The following RAI2 variants were observed in gnomAD, a reference collection of about 807,000 sequenced individuals.
RAI2 encodes the protein retinoic acid-induced protein 2.
RAI2 carries 5 observed loss-of-function variants against 15.3 expected under a neutral mutation model. The ratio of observed to expected loss-of-function variants is 0.33; its 90% CI spans 0.17 to 0.69. The LOEUF (loss-of-function observed/expected upper bound fraction) is 0.69, where lower values mean the gene tolerates loss of function less well. Ranked by LOEUF, RAI2 falls within the 30% of genes least tolerant of loss-of-function variation. The probability of loss-of-function intolerance (pLI) is 0.69; values close to 1 mark genes in which losing one functional copy is unlikely to be tolerated. For synonymous variants in RAI2, 191 were observed against 184.0 expected (o/e 1.04, Z -0.31); for missense variants, 424 against 424.7 (o/e 1.00, Z 0.01).
chrX:17,844,277 T>C (rs2067431999), intron 1 of RAI2, among the ~76,000 whole-genome samples: 1 of 112,898 alleles, frequency 8.9e-6, no homozygotes, highest in Admixed American at 9.3e-5. Flanking sequence ...CCTCGTTGGA[T>C]ATGCTATTGC....
chrX:17,846,562 C>T (rs1000470081), intron 1 of RAI2, among the ~76,000 whole-genome samples: 7 of 111,917 alleles, frequency 6.3e-5, no homozygotes, highest in Non-Finnish European at 1.1e-4. Context: ...TGTTTTTGTC[C>T]CCAGAATGGC....
At chrX:17,844,714 C>T (rs1246942982) in intron 1 of RAI2, among the ~76,000 whole-genome samples, 2 of 112,511 alleles carry the variant, frequency 1.8e-5, no homozygotes, top group East Asian at 2.8e-4. Context: ...GCATGTGATA[C>T]AACAAATCTA....
intron 1 of RAI2, among the ~76,000 whole-genome samples, chrX:17,840,997 T>C (rs1406005155): frequency 8.9e-6 from 1 of 112,266 alleles, no homozygotes; most frequent in Non-Finnish European, 1.9e-5. Flanking sequence ...CAAATCCCTA[T>C]GACTTTGTTT....
intron 1 of RAI2, among the ~76,000 whole-genome samples, chrX:17,855,852 A>G (rs1485954424): frequency 8.9e-6 from 1 of 112,563 alleles, no homozygotes; most frequent in Admixed American, 9.4e-5. Context: ...AATCAATGCA[A>G]AGCTTATTAA....
Position 17,801,505 on chromosome X carries a change from A to G in RAI2, c.506T>C (p.Leu169Pro). The change falls in exon 2 of 2, where the codon CTG (leucine) becomes CCG (proline). Residue 169 changes from leucine to proline, a missense_variant. Transcript: ENST00000451717. ...AEDPEAQPQL[L>P]DLRIPSQPQE... ...CGGCTGGCTGGGGATCCTCAGGTCC[A>G]GGAGCTGGGGCTGGGCCTCGGGGTC... 1.7e-6 allele frequency: 2 copies of G among 1,193,593 alleles called. No individual in the cohort carries two copies. Among genetic ancestry groups the G allele is most frequent in the Non-Finnish European group, 2.3e-6 (2 of 886,462 alleles).
chrX:17,839,287 C>T (rs761609770), intron 1 of RAI2, among the ~76,000 whole-genome samples: 81 of 112,229 alleles, frequency 7.2e-4, no homozygotes, highest in Non-Finnish European at 1.2e-3. Flanking sequence ...GTCCTACTGG[C>T]CACTGCCCCC....
At chrX:17,814,514 A>T (rs1447968865) in intron 1 of RAI2, among the ~76,000 whole-genome samples, 1 of 108,046 alleles carries the variant, frequency 9.3e-6, no homozygotes, top group Admixed American at 1.0e-4. Flanking sequence ...GTGAATATCG[A>T]AATGTCATTA....
intron 1 of RAI2, among the ~76,000 whole-genome samples, chrX:17,830,987 A>G (rs2067276617): frequency 8.9e-6 from 1 of 112,371 alleles, no homozygotes; most frequent in Non-Finnish European, 1.9e-5. Context: ...AACAATGAGA[A>G]CTATCCTCTA....
intron 1 of RAI2, among the ~76,000 whole-genome samples, chrX:17,839,031 GTCA>G (rs939877106): frequency 8.9e-6 from 1 of 111,931 alleles, no homozygotes; most frequent in Non-Finnish European, 1.9e-5. Flanking sequence ...CACAGCCACT[GTCA>G]TCATCATCAT....
At chrX:17,829,050 T>C (rs2067255571) in intron 1 of RAI2, among the ~76,000 whole-genome samples, 1 of 111,191 alleles carries the variant, frequency 9.0e-6, no homozygotes, top group Non-Finnish European at 1.9e-5. Context: ...AAAAGCTATT[T>C]ATGCCTCTAG....
At chrX:17,857,993 A>G (rs949067572) in intron 1 of RAI2, among the ~76,000 whole-genome samples, 3 of 111,124 alleles carry the variant, frequency 2.7e-5, no homozygotes, top group Admixed American at 1.9e-4. Flanking sequence ...TCCAGCAGGA[A>G]GAGATCCAGA....
intron 1 of RAI2, among the ~76,000 whole-genome samples, chrX:17,820,239 T>C (rs2067150126): frequency 8.9e-6 from 1 of 112,365 alleles, no homozygotes; most frequent in South Asian, 3.7e-4. Flanking sequence ...CTTGAGAGTG[T>C]GGGATAGATA....
chrX:17,851,524 G>T (rs1202785698), intron 1 of RAI2, among the ~76,000 whole-genome samples: 1 of 112,129 alleles, frequency 8.9e-6, no homozygotes, highest in African/African-American at 3.2e-5. Context: ...CCTATTCTGT[G>T]CTTTCCTTGA....
In RAI2 at chrX:17,838,423, C is replaced by T. The variant is rs748735784; in HGVS notation, c.-25+22675G>A. On this transcript the variant is annotated intron_variant, in intron 1 of 1. Transcript: ENST00000451717. Reference sequence around the variant, plus strand: ...ATAGGACAGCTCTAGAGAATACTGTCTCTCTCTGTCTTTCTCTAACTGTGA... The same window carrying T: ...ATAGGACAGCTCTAGAGAATACTGTTTCTCTCTGTCTTTCTCTAACTGTGA... 2.7e-5 allele frequency among the ~76,000 whole-genome samples: 3 copies of T among 111,789 alleles called. No individual in the cohort carries two copies. In the South Asian group the frequency reaches 1.1e-3, roughly 42 times the overall value.
At chrX:17,851,930 T>C (rs886261044) in intron 1 of RAI2, among the ~76,000 whole-genome samples, 1 of 112,385 alleles carries the variant, frequency 8.9e-6, no homozygotes, top group Non-Finnish European at 1.9e-5. Flanking sequence ...TAAATGTTTT[T>C]CACAGCCATT....
At chrX:17,811,823 TAGAC>T (rs113489789) in intron 1 of RAI2, among the ~76,000 whole-genome samples, 6 of 111,564 alleles carry the variant, frequency 5.4e-5, no homozygotes, top group African/African-American at 1.3e-4. Flanking sequence ...GCTTTGAACT[TAGAC>T]AGGCCTAGGT....
At chrX:17,823,039 C>T (rs2067184878) in intron 1 of RAI2, among the ~76,000 whole-genome samples, 1 of 112,166 alleles carries the variant, frequency 8.9e-6, no homozygotes, top group Non-Finnish European at 1.9e-5. Context: ...AGAAGTCCTT[C>T]CGACTTGTAA....
At chrX:17,806,416 AT>A (rs2066981854) in intron 1 of RAI2, among the ~76,000 whole-genome samples, 1 of 112,384 alleles carries the variant, frequency 8.9e-6, no homozygotes, top group Non-Finnish European at 1.9e-5. Flanking sequence ...TGTCCCCATT[AT>A]CCCCAGGGGT....
rs1228999950 is a variant in RAI2 at position 17,845,138 on chromosome X, A to C, written c.-25+15960T>G. 8.0e-5 allele frequency among the ~76,000 whole-genome samples: 9 copies of C among 112,311 alleles called. No individual in the cohort carries two copies. In the Admixed American group the frequency reaches 8.4e-4, roughly 11 times the overall value. On this transcript the variant is annotated intron_variant, in intron 1 of 1. Coordinates refer to ENST00000451717, the MANE Select transcript of RAI2 (RefSeq NM_021785.6). ...TCCTCATACAGTGGTACAGAGTGCC[A>C]CAAATGAACAAGAAGACTCATTTTC...
Sources: allele counts gnomAD v4.1 joint callset (sites outside exome capture counted in the v4.1 genomes callset), GRCh38; gene constraint gnomAD v4.1.1; transcripts MANE v1.5; gene names NCBI Gene and HGNC (gene_info 2026-07-23, HGNC 2026-07-21).